SYCP1: variants seen among roughly 807,000 people sequenced by gnomAD.
The protein encoded by SYCP1 is cancer/testis antigen 8.
In SYCP1, 64 loss-of-function variants were observed where a neutral mutation model predicts 153.1. The ratio of observed to expected loss-of-function variants is 0.42; its 90% CI spans 0.34 to 0.51. The LOEUF (loss-of-function observed/expected upper bound fraction) is 0.51, where lower values mean the gene tolerates loss of function less well. Ranked by LOEUF, SYCP1 falls within the 20% of genes least tolerant of loss-of-function variation. The probability of loss-of-function intolerance (pLI) is 0.06; values close to 1 mark genes in which losing one functional copy is unlikely to be tolerated. For synonymous variants in SYCP1, 384 were observed against 341.8 expected (o/e 1.12, Z -1.36); for missense variants, 997 against 1,049.0 (o/e 0.95, Z 0.68).
chr1:114,907,582 C>CTTT (rs542034470), intron 16 of SYCP1, among the ~76,000 whole-genome samples: 2 of 134,282 alleles, frequency 1.5e-5, no homozygotes, highest in Non-Finnish European at 1.6e-5. Context: ...AATGTTGAAA[C>CTTT]TTTTTTTTTT....
At chr1:114,968,741 TGGA>T (rs1389519426) in intron 27 of SYCP1, among the ~76,000 whole-genome samples, 1 of 152,206 alleles carries the variant, frequency 6.6e-6, no homozygotes, top group Non-Finnish European at 1.5e-5. Context: ...TGTGATCCTT[TGGA>T]GGAGAAGAGG....
intron 16 of SYCP1, among the ~76,000 whole-genome samples, chr1:114,904,845 T>C (rs1667712894): frequency 6.6e-6 from 1 of 152,238 alleles, no homozygotes; most frequent in Non-Finnish European, 1.5e-5. Flanking sequence ...TGCAGGTTTT[T>C]TGTAGAAAGT....
At chr1:114,968,669 T>C (rs940383274) in intron 27 of SYCP1, among the ~76,000 whole-genome samples, 1 of 152,226 alleles carries the variant, frequency 6.6e-6, no homozygotes, top group Non-Finnish European at 1.5e-5. Context: ...TTCTGAAGCC[T>C]ACTTCTGTCA....
rs1256415757 is a variant in SYCP1, at chr1:114,857,083, G to C, written c.194-149G>C. 5 of 566,506 alleles carry C rather than the reference G, an allele frequency of 8.8e-6. No homozygotes were observed. In the Admixed American group the frequency reaches 1.1e-4, roughly 13 times the overall value. The allele number at this position is 566,506 out of a possible 1,614,324, so 35.1% of individuals were successfully genotyped here. Reference sequence around the variant, plus strand: ...AGGCTTTGAGGCTGCAGTGAGCCATGATGGGTCACTGCCCTCTAGTCTAGG... The same window carrying C: ...AGGCTTTGAGGCTGCAGTGAGCCATCATGGGTCACTGCCCTCTAGTCTAGG... On this transcript the variant is annotated intron_variant, in intron 3 of 31. Transcript: ENST00000369522.
At chr1:114,884,830 C>T (rs911157567) in intron 12 of SYCP1, among the ~76,000 whole-genome samples, 6 of 152,000 alleles carry the variant, frequency 3.9e-5, no homozygotes, top group African/African-American at 4.8e-5. Context: ...AAAAGGAAAT[C>T]GTATAATTTG....
rs370963823 is a variant in SYCP1 at position 114,887,292 on chromosome 1, G to C, written c.1191-334G>C. On this transcript the variant is annotated intron_variant, in intron 14 of 31. Coordinates refer to ENST00000369522, the MANE Select transcript of SYCP1 (RefSeq NM_003176.4). ...TATATTGTTCCTAAGGCAGAATTCA[G>C]TATAATAGTAGTTACATACTCAATT... Among the ~76,000 whole-genome samples the C allele has an allele frequency of 2.6e-4, 39 of 152,124 alleles. No homozygotes were observed. In the South Asian group the frequency reaches 8.1e-3, roughly 32 times the overall value.
chr1:114,985,337 A>T (rs1673430076), intron 30 of SYCP1, among the ~76,000 whole-genome samples: 1 of 151,968 alleles, frequency 6.6e-6, no homozygotes, highest in South Asian at 2.1e-4. Context: ...CACTCTAAAG[A>T]AGTTAATGTA....
chr1:114,862,459 C>T (rs773413528), intron 8 of SYCP1, among the ~76,000 whole-genome samples: 5 of 151,926 alleles, frequency 3.3e-5, no homozygotes, highest in Non-Finnish European at 5.9e-5. Context: ...AAGTGATTCT[C>T]CTGCCTCAGC....
chr1:114,883,037 A>G (rs542024800), intron 12 of SYCP1, among the ~76,000 whole-genome samples: 86 of 152,334 alleles, frequency 5.6e-4, no homozygotes, highest in Middle Eastern at 3.4e-3. Context: ...GGGTCTGCAA[A>G]TGCCCTCTGG....
At chr1:114,978,956 A>G (rs892508783) in intron 28 of SYCP1, among the ~76,000 whole-genome samples, 3 of 151,734 alleles carry the variant, frequency 2.0e-5, no homozygotes, top group African/African-American at 7.2e-5. Context: ...TTATGAAAGT[A>G]TGTATCACAT....
At chr1:114,887,186 T>C (rs530174584) in intron 14 of SYCP1, among the ~76,000 whole-genome samples, 5 of 152,092 alleles carry the variant, frequency 3.3e-5, no homozygotes, top group Non-Finnish European at 7.4e-5. Flanking sequence ...CTAAGATTCC[T>C]CTATCCCTAT....
At chr1:114,874,910 C>T (rs1665404570) in intron 9 of SYCP1, among the ~76,000 whole-genome samples, 2 of 152,136 alleles carry the variant, frequency 1.3e-5, no homozygotes, top group Non-Finnish European at 2.9e-5. Flanking sequence ...CATCTCCTGT[C>T]ATTGTCCACT....
intron 30 of SYCP1, 82 bp from the exon 31 acceptor site, chr1:114,994,616 C>A: frequency 1.9e-6 from 2 of 1,070,614 alleles, no homozygotes; most frequent in South Asian, 2.2e-5. Flanking sequence ...GTTCTCCTCA[C>A]ATGTGATATG....
intron 30 of SYCP1, among the ~76,000 whole-genome samples, chr1:114,993,258 T>C (rs897450971): frequency 1.8e-4 from 27 of 151,626 alleles, no homozygotes; most frequent in Non-Finnish European, 2.7e-4. Context: ...GGTAGCTCTA[T>C]GACTTATTTA....
Position 114,860,805 on chromosome 1 carries a change from G to T in SYCP1, c.594G>T (p.Lys198Asn). 6.3e-7 allele frequency: 1 copy of T among 1,581,902 alleles called. No individual in the cohort carries two copies. The highest frequency in any genetic ancestry group is 1.2e-5 in the South Asian group (1 of 85,824). Residue 198 changes from lysine to asparagine, a missense_variant, in exon 8 of 32, where the codon AAG (lysine) becomes AAT (asparagine). Physicochemically the swap from Lys to Asn is moderately conservative, Grantham distance 94. Coordinates refer to ENST00000369522, the MANE Select transcript of SYCP1 (RefSeq NM_003176.4). ...ETCARSAEKT[K>N]KYEYEREETR... ...GTGCTAGATCTGCAGAAAAGACAAA[G>T]AAATGTAAATATCTTTCTTGTTTTA...
intron 14 of SYCP1, among the ~76,000 whole-genome samples, chr1:114,886,576 G>A (rs360646): frequency 0.35 from 53,782 of 151,866 alleles, 10,544 homozygotes; most frequent in East Asian, 0.5. Context: ...ATAAACTCAT[G>A]AAAGGTTGAT....
intron 30 of SYCP1, among the ~76,000 whole-genome samples, chr1:114,990,314 A>G (rs964245251): frequency 1.3e-5 from 2 of 152,020 alleles, no homozygotes; most frequent in African/African-American, 4.8e-5. Context: ...ACAACACAAT[A>G]TACCTAAACT....
At position 114,859,731 on chromosome 1, in the gene SYCP1, T is replaced by C. The variant is rs1664251835; in HGVS notation, c.457-12T>C. 2 of 983,020 alleles carry C rather than the reference T, an allele frequency of 2.0e-6. No homozygotes were observed. Among genetic ancestry groups the C allele is most frequent in the Admixed American group, 4.6e-5 (1 of 21,882 alleles). 60.9% of individuals were successfully genotyped at this position (983,020 alleles called of 1,614,324 possible). A position where few individuals can be genotyped will look rare whatever the true frequency, so the allele number is the denominator to read the frequency against. ...AGCAAAATGGGATGAACTTTTCTGT[T>C]TTATAAATTAGTTTGGAAATGAAAA... On this transcript the variant is annotated splice_polypyrimidine_tract_variant and intron_variant, in intron 6 of 31. Coordinates refer to ENST00000369522, the MANE Select transcript of SYCP1 (RefSeq NM_003176.4).
intron 12 of SYCP1, among the ~76,000 whole-genome samples, chr1:114,880,702 C>G (rs983435598): frequency 1.3e-5 from 2 of 152,152 alleles, no homozygotes; most frequent in Non-Finnish European, 2.9e-5. Context: ...ATGCCCAGAT[C>G]GGCAGATGTC....
Sources: gnomAD v4.1 joint callset for allele counts (sites outside exome capture counted in the v4.1 genomes callset) on GRCh38, gnomAD v4.1.1 for gene constraint, MANE v1.5 for transcripts, NCBI Gene and HGNC (gene_info 2026-07-23, HGNC 2026-07-21) for gene names.